The following PCDHGA7 variants were observed in gnomAD, a reference collection of about 807,000 sequenced individuals.
The protein encoded by PCDHGA7 is protocadherin gamma-A7.
A neutral mutation model predicts 58.3 loss-of-function variants in PCDHGA7; 44 were observed. The ratio of observed to expected loss-of-function variants is 0.75; its 90% CI spans 0.59 to 0.97. PCDHGA7 has a LOEUF of 0.97. PCDHGA7 is among the 50% of genes least tolerant of loss of function. The probability of loss-of-function intolerance (pLI) is 0.00; values close to 1 mark genes in which losing one functional copy is unlikely to be tolerated. For synonymous variants in PCDHGA7, 516 were observed against 504.2 expected (o/e 1.02, Z -0.31); for missense variants, 1,266 against 1,188.7 (o/e 1.06, Z -0.96).
chr5:141,489,086 G>A lies in PCDHGA7; in HGVS notation c.2425-5721G>A, dbSNP rs2233599. ...CCCCCCTGCCCACCCCCGCCACTCG[G>A]TGACTAAGAACTGCTGCAAGCAGGC... On this transcript the variant is annotated intron_variant, in intron 1 of 3. Coordinates refer to ENST00000518325, the MANE Select transcript of PCDHGA7 (RefSeq NM_018920.4). The surrounding 1 kb of genome is among the most constrained non-coding windows in gnomAD (Gnocchi z 4.5). 2.2e-3 allele frequency: 754 copies of A among 340,206 alleles called. 5 individuals carry two copies. Among genetic ancestry groups the A allele is most frequent in the African/African-American group, 0.018 (712 of 39,726 alleles). 21.1% of individuals were successfully genotyped at this position (340,206 alleles called of 1,614,324 possible).
rs753501762 is a variant in PCDHGA7, at chr5:141,383,287, G to A, written c.388G>A (p.Val130Ile). ...DVEIIDINDN[V>I]PRFLTEEINV... Reference sequence around the variant, plus strand: ...GGAAATAATAGATATTAATGACAACGTTCCAAGATTCTTGACGGAAGAAAT... The same window carrying A: ...GGAAATAATAGATATTAATGACAACATTCCAAGATTCTTGACGGAAGAAAT... The change falls in exon 1 of 4, where the codon GTT (valine) becomes ATT (isoleucine). Residue 130 changes from valine to isoleucine, a missense_variant. Coordinates refer to ENST00000518325, the MANE Select transcript of PCDHGA7 (RefSeq NM_018920.4). The A allele has an allele frequency of 1.2e-6, 2 of 1,613,798 alleles. No individual in the cohort carries two copies. Among genetic ancestry groups the A allele is most frequent in the South Asian group, 2.2e-5 (2 of 91,094 alleles).
intron 1 of PCDHGA7, chr5:141,387,998 C>T: frequency 6.7e-7 from 1 of 1,485,204 alleles, no homozygotes; most frequent in South Asian, 1.3e-5. Flanking sequence ...ACAGGATTCC[C>T]GAGGAAATGC....
chr5:141,426,733 G>A (rs62378459), intron 1 of PCDHGA7: 13,670 of 449,336 alleles, frequency 0.03, 288 homozygotes, highest in Middle Eastern at 0.11. Context: ...CCAGGCATTC[G>A]GTTTGGCCTG....
At position 141,423,386 on chromosome 5, in the gene PCDHGA7, G is replaced by C; in HGVS notation, c.2424+38063G>C. ...CTGCTGGCACTCAGGCTGTGGCGCT[G>C]GCATAAGTCACGCCTGCTGCAGGCT... On this transcript the variant is annotated intron_variant, in intron 1 of 3. Transcript: ENST00000518325. The C allele has an allele frequency of 1.9e-6, 3 of 1,614,160 alleles. No homozygotes were observed. The South Asian group carries it at 3.3e-5, about 18-fold the overall frequency.
chr5:141,423,693 G>T lies in PCDHGA7; in HGVS notation c.2424+38370G>T, dbSNP rs114008539. On this transcript the variant is annotated intron_variant, in intron 1 of 3. Transcript: ENST00000518325. ...TTATTTCTCTGCCTCCTAATTGTTG[G>T]TGTCTTGGCACAAGTCTTTTAAGGA... 910 of 1,396,244 alleles carry T rather than the reference G, an allele frequency of 6.5e-4. 7 individuals carry two copies. The African/African-American group carries it at 0.012, about 18-fold the overall frequency. 86.5% of individuals were successfully genotyped at this position (1,396,244 alleles called of 1,614,324 possible).
At position 141,489,748 on chromosome 5, in the gene PCDHGA7, T is replaced by C. The variant is rs763688648; in HGVS notation, c.2425-5059T>C. On this transcript the variant is annotated intron_variant, in intron 1 of 3. Transcript: ENST00000518325. The surrounding 1 kb of genome is among the most constrained non-coding windows in gnomAD (Gnocchi z 4.5). ...TGTGGGCACCAATACTGTGAGCTTT[T>C]ACACTCTAAGCCCCAACAGCCACTT... is the stretch of plus-strand genomic sequence containing the variant. The C allele has an allele frequency of 1.8e-5, 29 of 1,614,038 alleles. No homozygotes were observed. Among genetic ancestry groups the C allele is most frequent in the Non-Finnish European group, 1.6e-5 (19 of 1,180,010 alleles).
chr5:141,429,377 G>T (rs1029180912), intron 1 of PCDHGA7, among the ~76,000 whole-genome samples: 1 of 149,434 alleles, frequency 6.7e-6, no homozygotes, highest in African/African-American at 2.5e-5. Context: ...GAGAAAATGT[G>T]TTTTTTTTTT....
At chr5:141,434,533 C>T (rs6862159) in intron 1 of PCDHGA7, among the ~76,000 whole-genome samples, 18,539 of 152,264 alleles carry the variant, frequency 0.12, 1,259 homozygotes, top group Non-Finnish European at 0.16. Flanking sequence ...AAACCACAAA[C>T]AATAGCATGA....
At chr5:141,404,068 T>C (rs2094481501) in intron 1 of PCDHGA7, 3 of 1,613,782 alleles carry the variant, frequency 1.9e-6, no homozygotes, top group Non-Finnish European at 2.5e-6. Flanking sequence ...TCAATGCTCA[T>C]GACCGAGACT....
At chr5:141,500,221 TTTA>T (rs1428029040) in intron 2 of PCDHGA7, among the ~76,000 whole-genome samples, 2 of 151,002 alleles carry the variant, frequency 1.3e-5, no homozygotes, top group Non-Finnish European at 2.9e-5. Flanking sequence ...TATTTATTTA[TTTA>T]TTGATACGTA....
rs2090286148 is a variant in PCDHGA7 at position 141,385,565 on chromosome 5, C to T, written c.2424+242C>T. ...GGACTATCACATTTTATAATTTCCA[C>T]CTACTTTCCAATCTATGTTCCAACC... On this transcript the variant is annotated intron_variant, in intron 1 of 3. Transcript: ENST00000518325. 2.3e-6 allele frequency: 3 copies of T among 1,302,312 alleles called. No homozygotes were observed. In the African/African-American group the frequency reaches 4.6e-5, roughly 20 times the overall value. 80.7% of individuals were successfully genotyped at this position (1,302,312 alleles called of 1,614,324 possible). A position where few individuals can be genotyped will look rare whatever the true frequency, so the allele number is the denominator to read the frequency against.
rs771867567 is a variant in PCDHGA7 at position 141,419,867 on chromosome 5, G to A, written c.2424+34544G>A. 3.1e-6 allele frequency: 5 copies of A among 1,614,086 alleles called. No homozygotes were observed. In the South Asian group the frequency reaches 5.5e-5, roughly 18 times the overall value. On this transcript the variant is annotated intron_variant, in intron 1 of 3. Transcript: ENST00000518325. Reference sequence around the variant, plus strand: ...CCTGGTGTTCGCAGATAGCTTGCAAGAGGTACTGCCGGATTTCAGCGACCA... The same window carrying A: ...CCTGGTGTTCGCAGATAGCTTGCAAAAGGTACTGCCGGATTTCAGCGACCA...
chr5:141,388,978 C>T, intron 1 of PCDHGA7: 1 of 1,613,972 alleles, frequency 6.2e-7, no homozygotes, highest in Non-Finnish European at 8.5e-7. Context: ...ACACATATTG[C>T]TTTGCTCAAA....
chr5:141,418,946 G>T (rs2096305161), intron 1 of PCDHGA7: 1 of 1,613,900 alleles, frequency 6.2e-7, no homozygotes, highest in African/African-American at 1.3e-5. Context: ...TTCCCCTCCA[G>T]GAGTGGTTGT....
chr5:141,476,421 C>T lies in PCDHGA7; in HGVS notation c.2425-18386C>T, dbSNP rs765688262. On this transcript the variant is annotated intron_variant, in intron 1 of 3. Coordinates refer to ENST00000518325, the MANE Select transcript of PCDHGA7 (RefSeq NM_018920.4). The surrounding 1 kb of genome is among the most constrained non-coding windows in gnomAD (Gnocchi z 7.6). ...CGAGAGGAGCTGTGTGGGACACTGC[C>T]CTCTTGCACTGTAACTCTGGAGTTG... 1 of 1,614,026 alleles carries T rather than the reference C, an allele frequency of 6.2e-7. No homozygotes were observed. The highest frequency in any genetic ancestry group is 8.5e-7 in the Non-Finnish European group (1 of 1,179,994).
chr5:141,440,905 C>A (rs986711694), intron 1 of PCDHGA7: 1 of 152,184 alleles, frequency 6.6e-6, no homozygotes, highest in East Asian at 1.9e-4. Context: ...TGCATCCGGG[C>A]ACTCCTGTGC....
At chr5:141,394,577 G>A (rs757579320) in intron 1 of PCDHGA7, 5 of 1,613,986 alleles carry the variant, frequency 3.1e-6, no homozygotes, top group South Asian at 1.1e-5. Context: ...GCTACCTGGT[G>A]ACCAAGGTGG....
intron 2 of PCDHGA7, among the ~76,000 whole-genome samples, chr5:141,495,994 T>C (rs2099765151): frequency 6.6e-6 from 1 of 152,146 alleles, no homozygotes; most frequent in Non-Finnish European, 1.5e-5. Flanking sequence ...ATCTCTCTTT[T>C]TCTTTTATCT....
Position 141,400,134 on chromosome 5 carries a change from G to A in PCDHGA7, c.2424+14811G>A, listed in dbSNP as rs373375631. The A allele has an allele frequency of 6.8e-6, 11 of 1,613,954 alleles. No homozygotes were observed. In the African/African-American group the frequency reaches 9.3e-5, roughly 14 times the overall value. Reference sequence around the variant, plus strand: ...CTGACAGCTTGCAGGAGGTGCTGCCGGATATCACTGACCGCCCTGTACCCT... The same window carrying A: ...CTGACAGCTTGCAGGAGGTGCTGCCAGATATCACTGACCGCCCTGTACCCT... On this transcript the variant is annotated intron_variant, in intron 1 of 3. Coordinates refer to ENST00000518325, the MANE Select transcript of PCDHGA7 (RefSeq NM_018920.4).
Sources: allele counts gnomAD v4.1 joint callset (sites outside exome capture counted in the v4.1 genomes callset), GRCh38; gene constraint gnomAD v4.1.1; non-coding constraint Gnocchi (gnomAD v3.1); transcripts MANE v1.5; gene names NCBI Gene and HGNC (gene_info 2026-07-23, HGNC 2026-07-21).